PDE4A: variants seen among roughly 807,000 people sequenced by gnomAD.
PDE4A encodes phosphodiesterase 4A.
In PDE4A, 21 loss-of-function variants were observed where a neutral mutation model predicts 73.9. The observed-to-expected ratio is 0.28, with a 90% CI of 0.20 to 0.41. PDE4A has a LOEUF of 0.41. Among genes scored for constraint, PDE4A ranks in the 10% least tolerant of loss-of-function variants. The pLI, the probability that PDE4A is intolerant of heterozygous loss-of-function variation, is 1.00. For missense variants in PDE4A, 958 were observed against 1,211.4 expected, an observed-to-expected ratio of 0.79 and a Z score of 3.10; for synonymous variants, 463 against 505.4, an observed-to-expected ratio of 0.92 and a Z score of 1.13.
Position 10,460,999 on chromosome 19 carries a change from C to G in PDE4A, c.1366-5C>G. On this transcript the variant is annotated splice_region_variant and splice_polypyrimidine_tract_variant and intron_variant, in intron 10 of 14. Transcript: ENST00000380702. ...TTATTCTAACATCCGTGTCTCTGCT[C>G]CCAGGCAGTGTTCACGGACCTGGAG... The G allele has an allele frequency of 6.2e-7, 1 of 1,611,186 alleles. No homozygotes were observed. Among genetic ancestry groups the G allele is most frequent in the Non-Finnish European group, 8.5e-7 (1 of 1,177,850 alleles).
chr19:10,453,479 G>A lies in PDE4A; in HGVS notation c.784-1350G>A, dbSNP rs909742499. 3.4e-5 allele frequency: 33 copies of A among 967,074 alleles called. No homozygotes were observed. Among genetic ancestry groups the A allele is most frequent in the Middle Eastern group, 3.3e-4 (1 of 3,000 alleles). 59.9% of individuals were successfully genotyped at this position (967,074 alleles called of 1,614,324 possible). A position where few individuals can be genotyped will look rare whatever the true frequency, so the allele number is the denominator to read the frequency against. On this transcript the variant is annotated intron_variant, in intron 6 of 14. Transcript: ENST00000380702. The surrounding 1 kb of genome is among the most constrained non-coding windows in gnomAD (Gnocchi z 4.6). ...TGGCCCAGGGCTGGGCGTGGATGGC[G>A]GGCAGCTGGGGGTGTGTGACTCTCC...
At chr19:10,432,684 G>C in intron 1 of PDE4A, 1 of 1,071,276 alleles carries the variant, frequency 9.3e-7, no homozygotes, top group Non-Finnish European at 1.3e-6. Flanking sequence ...TGGCTTCCAG[G>C]ATCTGGCTGG....
chr19:10,420,425 A>AG, upstream of PDE4A: 1 of 847,878 alleles, frequency 1.2e-6, no homozygotes, highest in Non-Finnish European at 1.4e-6. The surrounding 1 kb of genome is among the most constrained non-coding windows in gnomAD (Gnocchi z 6.0). Context: ...ACGGAGGAGG[A>AG]GGGGGGCGGC....
rs769141293 is a variant in PDE4A, at chr19:10,432,511, T to A, written c.320+11427T>A. 4.3e-5 allele frequency: 65 copies of A among 1,523,772 alleles called. No individual in the cohort carries two copies. The South Asian group carries it at 5.2e-4, about 12-fold the overall frequency. 94.4% of individuals were successfully genotyped at this position (1,523,772 alleles called of 1,614,324 possible). ...CTGCCCCCCACGGGCCCCGAGTCCC[T>A]GACCCACTTCCCCTTCAGCGATGAG... On this transcript the variant is annotated intron_variant, in intron 1 of 14. Coordinates refer to ENST00000380702, the MANE Select transcript of PDE4A (RefSeq NM_001111307.2).
intron 1 of PDE4A, among the ~76,000 whole-genome samples, chr19:10,428,125 GC>G (rs1332619228): frequency 6.6e-6 from 1 of 152,174 alleles, no homozygotes; most frequent in Admixed American, 6.5e-5. Context: ...GCCAAGGCGG[GC>G]AGATCACTTG....
rs966613842 is a variant in PDE4A, at chr19:10,457,956, T to C, written c.955T>C (p.Ser319Pro). The change falls in exon 8 of 15, where the codon TCC becomes CCC. Residue 319 changes from serine (S) to proline (P), a missense_variant. Physicochemically the swap from Ser to Pro is moderately conservative, Grantham distance 74. This residue lies in a region of PDE4A where 570 missense variants were observed against 827.7 expected (regional missense o/e 0.69). Transcript: ENST00000380702. Reference protein sequence around the residue: ...EKQQAPRPRPSQPPPPPVPHL... With the variant: ...EKQQAPRPRPPQPPPPPVPHL... ...ACAGCAAGCGCCGCGACCAAGACCC[T>C]CCCAGCCGCCCCCGCCCCCTGTACC... is the stretch of plus-strand genomic sequence containing the variant. 1 of 1,610,298 alleles carries C rather than the reference T, an allele frequency of 6.2e-7. No individual in the cohort carries two copies. The highest frequency in any genetic ancestry group is 8.5e-7 in the Non-Finnish European group (1 of 1,177,408).
Position 10,453,044 on chromosome 19 carries a change from C to T in PDE4A, c.784-1785C>T, listed in dbSNP as rs2043117407. The T allele has an allele frequency of 7.4e-7, 1 of 1,342,690 alleles. No homozygotes were observed. The highest frequency in any genetic ancestry group is 1.5e-5 in the African/African-American group (1 of 65,254). 83.2% of individuals were successfully genotyped at this position (1,342,690 alleles called of 1,614,324 possible). Reference sequence around the variant, plus strand: ...CCTCCACCCACTGCCGCGGGGGGGCCCGTTGGGGCCCAGGGCTGGCGGGCC... The same window carrying T: ...CCTCCACCCACTGCCGCGGGGGGGCTCGTTGGGGCCCAGGGCTGGCGGGCC... On this transcript the variant is annotated intron_variant, in intron 6 of 14. Transcript: ENST00000380702. This position sits in a 1 kb window ranked among gnomAD's most constrained non-coding sequence, Gnocchi z 4.6.
At chr19:10,441,552 A>G (rs2042937809) in intron 1 of PDE4A, among the ~76,000 whole-genome samples, 1 of 151,706 alleles carries the variant, frequency 6.6e-6, no homozygotes, top group South Asian at 2.1e-4. Flanking sequence ...GTTGAAGTCC[A>G]CTTGTTTGTT....
chr19:10,436,198 GAC>G (rs371635638), intron 1 of PDE4A, among the ~76,000 whole-genome samples: 40 of 152,248 alleles, frequency 2.6e-4, no homozygotes, highest in African/African-American at 9.6e-4. Flanking sequence ...TAGGAGACAG[GAC>G]ACAGTTCTCA....
intron 1 of PDE4A, among the ~76,000 whole-genome samples, chr19:10,431,822 C>T (rs528880862): frequency 5.2e-4 from 79 of 152,198 alleles, no homozygotes; most frequent in African/African-American, 1.8e-3. Flanking sequence ...CTTTGGGAGC[C>T]CCGCGTGGGG....
intron 1 of PDE4A, among the ~76,000 whole-genome samples, chr19:10,433,324 G>A (rs956787882): frequency 7.1e-5 from 10 of 140,306 alleles, no homozygotes; most frequent in African/African-American, 2.6e-4. Flanking sequence ...GCACATCCTC[G>A]TCTACACTGC....
chr19:10,418,799 C>A, upstream of PDE4A: 3 of 985,362 alleles, frequency 3.0e-6, no homozygotes, highest in Non-Finnish European at 3.6e-6. Flanking sequence ...TTACAGCATA[C>A]CCCGCCAAGA....
intron 1 of PDE4A, among the ~76,000 whole-genome samples, chr19:10,442,431 G>A (rs2042950120): frequency 6.6e-6 from 1 of 152,142 alleles, no homozygotes; most frequent in African/African-American, 2.4e-5. Flanking sequence ...GGCTGAGGCA[G>A]GAGAATTGCT....
At chr19:10,419,862 G>A (rs917436514), upstream of PDE4A, among the ~76,000 whole-genome samples, 4 of 152,162 alleles carry the variant, frequency 2.6e-5, no homozygotes, top group Non-Finnish European at 5.9e-5. Context: ...CTCCAAATAG[G>A]TAGCACATGT....
intron 1 of PDE4A, among the ~76,000 whole-genome samples, chr19:10,444,239 G>A (rs1339096894): frequency 6.6e-6 from 1 of 152,012 alleles, no homozygotes; most frequent in Admixed American, 6.6e-5. Context: ...AATGGGCTGG[G>A]CATGGTGGCC....
In PDE4A at chr19:10,428,908, C is replaced by G. The variant is rs368772793; in HGVS notation, c.320+7824C>G. 4.1e-6 allele frequency: 4 copies of G among 982,114 alleles called. No individual in the cohort carries two copies. The South Asian group carries it at 1.4e-4, about 35-fold the overall frequency. 60.8% of individuals were successfully genotyped at this position (982,114 alleles called of 1,614,324 possible). A position where few individuals can be genotyped will look rare whatever the true frequency, so the allele number is the denominator to read the frequency against. Reference sequence around the variant, plus strand: ...CTTGAGGCCAGGAATTCGAGACCAACCTGGCCAACATGGTGAAACCCCATT... The same window carrying G: ...CTTGAGGCCAGGAATTCGAGACCAAGCTGGCCAACATGGTGAAACCCCATT... On this transcript the variant is annotated intron_variant, in intron 1 of 14. Transcript: ENST00000380702.
intron 1 of PDE4A, among the ~76,000 whole-genome samples, chr19:10,435,207 TA>T (rs1196439178): frequency 6.6e-6 from 1 of 151,984 alleles, no homozygotes; most frequent in East Asian, 1.9e-4. Context: ...TGGGAAGGCC[TA>T]GGGGCCACGT....
intron 7 of PDE4A, among the ~76,000 whole-genome samples, chr19:10,456,650 G>A (rs956211018): frequency 2.0e-5 from 3 of 150,594 alleles, no homozygotes; most frequent in African/African-American, 7.3e-5. Flanking sequence ...CCAGGAGTTC[G>A]AGGCTGCAGT....
intron 1 of PDE4A, chr19:10,427,697 A>G (rs12983665): frequency 0.33 from 315,470 of 957,656 alleles, 52,919 homozygotes; most frequent in East Asian, 0.57. Flanking sequence ...GGGAGACCCT[A>G]GCCAAGTCAC....
Sources: gnomAD v4.1 joint callset for allele counts (sites outside exome capture counted in the v4.1 genomes callset) on GRCh38, gnomAD v4.1.1 for gene constraint, gnomAD v4.1.1 regional missense constraint, Gnocchi (gnomAD v3.1) non-coding constraint, MANE v1.5 for transcripts, NCBI Gene and HGNC (gene_info 2026-07-23, HGNC 2026-07-21) for gene names.